ACTR3C: variants seen among roughly 807,000 people sequenced by gnomAD.
ACTR3C encodes the protein actin related protein 3C.
Under a neutral mutation model 26.3 loss-of-function variants are expected in ACTR3C, and 18 were observed. The ratio of observed to expected loss-of-function variants is 0.68; its 90% CI spans 0.47 to 1.01. The LOEUF is 1.01. Among genes scored for constraint, ACTR3C ranks in the 50% least tolerant of loss-of-function variants. The pLI is 0.00. For missense variants in ACTR3C, 184 were observed against 250.7 expected, an observed-to-expected ratio of 0.73 and a Z score of 1.80; for synonymous variants, 55 against 94.5, an observed-to-expected ratio of 0.58 and a Z score of 2.42.
the ACTR3C span, among the ~76,000 whole-genome samples, chr7:150,033,596 GA>G: frequency 6.6e-6 from 1 of 151,884 alleles, no homozygotes; most frequent in Admixed American, 6.5e-5. Flanking sequence ...CGCCTCGCAG[GA>G]GGTGCCTCCC....
chr7:150,090,646 A>T, the ACTR3C span, among the ~76,000 whole-genome samples: 845 of 149,928 alleles, frequency 5.6e-3, 5 homozygotes, highest in African/African-American at 0.019. Flanking sequence ...CTAGCTGGGC[A>T]TTATAGCAAC....
At chr7:150,254,711 T>C (rs1833088614) in intron 6 of ACTR3C, among the ~76,000 whole-genome samples, 1 of 152,134 alleles carries the variant, frequency 6.6e-6, no homozygotes, top group Non-Finnish European at 1.5e-5. Context: ...TTTCAGTTGC[T>C]CAGGCAGGTG....
rs577087433 is a variant in ACTR3C, at chr7:150,312,228, C to T, written c.-52+11241G>A. Among the ~76,000 whole-genome samples the T allele has an allele frequency of 2.6e-5, 4 of 152,294 alleles. No homozygotes were observed. The South Asian group carries it at 8.3e-4, about 32-fold the overall frequency. ...CTCTTCTTCTAAAAACCCACTCTACCAGTCTTTTCCAACTCAGGGCAAGAG... is the reference window on the plus strand; with the variant it reads ...CTCTTCTTCTAAAAACCCACTCTACTAGTCTTTTCCAACTCAGGGCAAGAG... On this transcript the variant is annotated intron_variant, in intron 1 of 7. Coordinates refer to ENST00000683684, the MANE Select transcript of ACTR3C (RefSeq NM_001164458.2).
the ACTR3C span, among the ~76,000 whole-genome samples, chr7:149,907,772 G>T: frequency 1.5e-4 from 23 of 151,930 alleles, no homozygotes; most frequent in African/African-American, 4.6e-4. Context: ...AAGGTGCAAG[G>T]TCAGCCTTTT....
chr7:150,001,943 T>C, the ACTR3C span: 1 of 152,394 alleles, frequency 6.6e-6, no homozygotes, highest in Middle Eastern at 3.4e-3. Flanking sequence ...TTTGGAAACA[T>C]GCGAGAACCA....
At chr7:150,318,880 T>C (rs1410852964) in intron 1 of ACTR3C, among the ~76,000 whole-genome samples, 1 of 152,252 alleles carries the variant, frequency 6.6e-6, no homozygotes. Flanking sequence ...GTGATTCTCA[T>C]GCATTTCACT....
the ACTR3C span, among the ~76,000 whole-genome samples, chr7:149,965,998 G>T: frequency 1.3e-5 from 2 of 152,194 alleles, no homozygotes; most frequent in African/African-American, 4.8e-5. Flanking sequence ...TGTTCATGTT[G>T]ACTCTCACTA....
chr7:150,320,522 G>T (rs1450016930), intron 1 of ACTR3C, among the ~76,000 whole-genome samples: 2 of 152,182 alleles, frequency 1.3e-5, no homozygotes, highest in African/African-American at 4.8e-5. Context: ...CAGCACTTCG[G>T]GAGGCTGAGG....
At chr7:150,117,947 C>T in the ACTR3C span, among the ~76,000 whole-genome samples, 2 of 152,168 alleles carry the variant, frequency 1.3e-5, no homozygotes, top group Non-Finnish European at 2.9e-5. Flanking sequence ...CAAACAGGGC[C>T]TGGAGTGGAC....
At chr7:150,278,211 T>G (rs1367924066) in intron 6 of ACTR3C, among the ~76,000 whole-genome samples, 1 of 152,176 alleles carries the variant, frequency 6.6e-6, no homozygotes, top group Non-Finnish European at 1.5e-5. Context: ...CCTCCCATGC[T>G]GCATTCCCTG....
At chr7:150,199,725 CAAAAAA>C in the ACTR3C span, among the ~76,000 whole-genome samples, 4 of 86,086 alleles carry the variant, frequency 4.6e-5, no homozygotes, top group East Asian at 3.6e-4. Context: ...ATATTTTTAT[CAAAAAA>C]AAAAAAAAAA....
the ACTR3C span, among the ~76,000 whole-genome samples, chr7:150,091,110 T>C: frequency 6.7e-5 from 10 of 149,006 alleles, no homozygotes; most frequent in Non-Finnish European, 1.2e-4. Context: ...CCAGGACCCC[T>C]GCTTTCCATC....
the ACTR3C span, among the ~76,000 whole-genome samples, chr7:149,892,875 C>T: frequency 1.6e-4 from 24 of 149,488 alleles, no homozygotes; most frequent in African/African-American, 5.9e-4. Context: ...GAAAAAAAGC[C>T]GTTAAAATTT....
chr7:150,014,520 G>A, the ACTR3C span, among the ~76,000 whole-genome samples: 14 of 152,022 alleles, frequency 9.2e-5, no homozygotes, highest in African/African-American at 3.4e-4. Context: ...CCTTCACAGT[G>A]CTCTGTCCTT....
the ACTR3C span, among the ~76,000 whole-genome samples, chr7:150,182,478 A>G: frequency 1.3e-5 from 2 of 150,800 alleles, no homozygotes; most frequent in South Asian, 2.1e-4. Context: ...ACCATTCCCT[A>G]CCTGTCTGTT....
At chr7:150,278,186 C>T (rs1835044340) in intron 6 of ACTR3C, among the ~76,000 whole-genome samples, 1 of 152,206 alleles carries the variant, frequency 6.6e-6, no homozygotes, top group Non-Finnish European at 1.5e-5. Context: ...GATCCTGCTG[C>T]TGGAAAACCC....
At chr7:149,987,364 C>T in the ACTR3C span, among the ~76,000 whole-genome samples, 2 of 149,298 alleles carry the variant, frequency 1.3e-5, no homozygotes, top group Non-Finnish European at 3.0e-5. Context: ...TCAGGAGTTC[C>T]AGACCAGCCT....
chr7:149,882,876 C>T, the ACTR3C span, among the ~76,000 whole-genome samples: 8 of 152,102 alleles, frequency 5.3e-5, no homozygotes, highest in African/African-American at 1.7e-4. Flanking sequence ...TTATTGTGGC[C>T]GGGCCAGCTG....
the ACTR3C span, among the ~76,000 whole-genome samples, chr7:149,955,268 A>G: frequency 6.6e-6 from 1 of 152,254 alleles, no homozygotes; most frequent in Non-Finnish European, 1.5e-5. Flanking sequence ...GAAGCAGAAG[A>G]AATGGAAATG....
Sources: allele counts gnomAD v4.1 joint callset (sites outside exome capture counted in the v4.1 genomes callset), GRCh38; gene constraint gnomAD v4.1.1; transcripts MANE v1.5; gene names NCBI Gene and HGNC (gene_info 2026-07-23, HGNC 2026-07-21).